RBMS3: variants seen among roughly 807,000 people sequenced by gnomAD.
The protein encoded by RBMS3 is RNA-binding motif, single-stranded-interacting protein 3.
A neutral mutation model predicts 66.8 loss-of-function variants in RBMS3; 27 were observed. That is an observed-to-expected ratio of 0.40 (90% CI 0.30 to 0.56). RBMS3 has a LOEUF of 0.56. Among genes scored for constraint, RBMS3 ranks in the 20% least tolerant of loss-of-function variants. The pLI is 0.40. For synonymous variants in RBMS3, 188 were observed against 183.0 expected (o/e 1.03, Z -0.22); for missense variants, 513 against 549.5 (o/e 0.93, Z 0.66).
At chr3:29,893,104 T>C (rs918093717) in intron 8 of RBMS3, among the ~76,000 whole-genome samples, 2 of 151,410 alleles carry the variant, frequency 1.3e-5, no homozygotes, top group African/African-American at 4.8e-5. Context: ...GAAGAGCTTA[T>C]TTCAGAATAC....
At chr3:29,743,980 G>A (rs1442881952) in intron 5 of RBMS3, among the ~76,000 whole-genome samples, 1 of 141,578 alleles carries the variant, frequency 7.1e-6, no homozygotes, top group Non-Finnish European at 1.5e-5. Flanking sequence ...CCACCAATGA[G>A]TGAGAACATG....
chr3:29,340,966 A>G (rs997289280), intron 1 of RBMS3, among the ~76,000 whole-genome samples: 3 of 152,046 alleles, frequency 2.0e-5, no homozygotes, highest in East Asian at 3.8e-4. Context: ...AATTTTTAAT[A>G]TATTTGTCTG....
intron 6 of RBMS3, among the ~76,000 whole-genome samples, chr3:29,788,458 C>T (rs1470557080): frequency 6.6e-6 from 1 of 152,060 alleles, no homozygotes; most frequent in African/African-American, 2.4e-5. Context: ...ATCTCCTGAC[C>T]TTGTGATCTG....
At chr3:29,337,664 C>G (rs2036033476) in intron 1 of RBMS3, among the ~76,000 whole-genome samples, 1 of 151,880 alleles carries the variant, frequency 6.6e-6, no homozygotes, top group Non-Finnish European at 1.5e-5. Context: ...AAAAAAGACT[C>G]AGGAATAGGA....
At chr3:29,801,124 A>G (rs1397034810) in intron 6 of RBMS3, among the ~76,000 whole-genome samples, 3 of 152,078 alleles carry the variant, frequency 2.0e-5, no homozygotes. Context: ...GAAGTTTTAC[A>G]TTATTTATTT....
chr3:29,396,136 T>A (rs1264645743), intron 1 of RBMS3, among the ~76,000 whole-genome samples: 3 of 152,128 alleles, frequency 2.0e-5, no homozygotes, highest in African/African-American at 4.8e-5. Context: ...CAGCTGGATA[T>A]CATGTGCCTA....
intron 10 of RBMS3, among the ~76,000 whole-genome samples, chr3:29,928,180 T>TTATATATA (rs1199975605): frequency 2.7e-3 from 275 of 102,466 alleles, no homozygotes; most frequent in African/African-American, 8.8e-3. Context: ...TCTTCAAATT[T>TTATATATA]TATATATATA....
intron 6 of RBMS3, among the ~76,000 whole-genome samples, chr3:29,863,352 A>G (rs1009344012): frequency 1.3e-5 from 2 of 152,076 alleles, no homozygotes; most frequent in Non-Finnish European, 1.5e-5. Flanking sequence ...CATTGTGCAC[A>G]TGTACCCTAG....
chr3:29,556,494 A>G (rs9859949), intron 3 of RBMS3: 9,591 of 152,600 alleles, frequency 0.063, 606 homozygotes, highest in East Asian at 0.34. Flanking sequence ...TCCCAGCTAC[A>G]TGGGAGGCTG....
intron 1 of RBMS3, among the ~76,000 whole-genome samples, chr3:29,360,057 T>A (rs1023031571): frequency 2.6e-5 from 4 of 152,218 alleles, no homozygotes; most frequent in African/African-American, 9.6e-5. Context: ...TCAGTTCTGC[T>A]CTGATCTTAG....
chr3:29,360,203 T>C (rs2125578989), intron 1 of RBMS3, among the ~76,000 whole-genome samples: 1 of 151,260 alleles, frequency 6.6e-6, no homozygotes, highest in South Asian at 2.1e-4. Context: ...AATTTCCCTC[T>C]ACACACTGCT....
chr3:29,316,477 G>A (rs1451492411), intron 1 of RBMS3, among the ~76,000 whole-genome samples: 1 of 151,438 alleles, frequency 6.6e-6, no homozygotes, highest in Non-Finnish European at 1.5e-5. Flanking sequence ...ATCATCATCA[G>A]GGATGAGTGA....
At chr3:29,620,583 T>G (rs1395507881) in intron 4 of RBMS3, among the ~76,000 whole-genome samples, 1 of 152,160 alleles carries the variant, frequency 6.6e-6, no homozygotes, top group East Asian at 1.9e-4. Flanking sequence ...AGAATAATAT[T>G]TATATTATCT....
intron 3 of RBMS3, among the ~76,000 whole-genome samples, chr3:29,505,359 T>C (rs1411998204): frequency 6.6e-6 from 1 of 151,972 alleles, no homozygotes; most frequent in Non-Finnish European, 1.5e-5. Context: ...CAAAACTCAA[T>C]TGACTGTAAT....
chr3:29,463,613 T>TGAA (rs2042441732), intron 2 of RBMS3, among the ~76,000 whole-genome samples: 1 of 105,236 alleles, frequency 9.5e-6, no homozygotes, highest in African/African-American at 3.8e-5. Context: ...TCTGGTTAGT[T>TGAA]GAAAAAAAAA....
chr3:29,929,538 G>A (rs2061051496), intron 10 of RBMS3, among the ~76,000 whole-genome samples: 1 of 151,820 alleles, frequency 6.6e-6, no homozygotes, highest in African/African-American at 2.4e-5. Flanking sequence ...CTTTTAAAGG[G>A]ATTTCCATGG....
At chr3:29,701,609 C>T (rs1043749954) in intron 4 of RBMS3, among the ~76,000 whole-genome samples, 7 of 151,072 alleles carry the variant, frequency 4.6e-5, no homozygotes, top group African/African-American at 7.3e-5. Flanking sequence ...GGGCTGCGCG[C>T]GTCGTTCACG....
At chr3:29,937,498 G>T (rs1195998397) in intron 11 of RBMS3, among the ~76,000 whole-genome samples, 4 of 151,828 alleles carry the variant, frequency 2.6e-5, no homozygotes, top group Non-Finnish European at 4.4e-5. Flanking sequence ...TCCTAAATAG[G>T]AAGAAAGTCA....
chr3:29,845,312 T>G (rs1009083378), intron 6 of RBMS3, among the ~76,000 whole-genome samples: 1 of 152,188 alleles, frequency 6.6e-6, no homozygotes, highest in Admixed American at 6.5e-5. Context: ...TTTTAAAACT[T>G]TCTGAATCTC....
Sources: gnomAD v4.1 joint callset for allele counts (sites outside exome capture counted in the v4.1 genomes callset) on GRCh38, gnomAD v4.1.1 for gene constraint, MANE v1.5 for transcripts, NCBI Gene and HGNC (gene_info 2026-07-23, HGNC 2026-07-21) for gene names.